The following DNAH12 variants were observed in gnomAD, a reference collection of about 807,000 sequenced individuals.
The protein encoded by DNAH12 is dynein axonemal heavy chain 12, also known as axonemal beta dynein heavy chain 12.
Under a neutral mutation model 371.5 loss-of-function variants are expected in DNAH12, and 285 were observed. The ratio of observed to expected loss-of-function variants is 0.77; its 90% CI spans 0.70 to 0.85. DNAH12 has a LOEUF of 0.85. DNAH12 is among the 40% of genes least tolerant of loss of function. The pLI, the probability that DNAH12 is intolerant of heterozygous loss-of-function variation, is 0.00. For synonymous variants in DNAH12, 1,200 were observed against 1,213.0 expected, an observed-to-expected ratio of 0.99 and a Z score of 0.22; for missense variants, 3,611 against 3,689.4, an observed-to-expected ratio of 0.98 and a Z score of 0.55.
Position 57,421,754 on chromosome 3 carries a change from AT to A in DNAH12, c.5374-49del, listed in dbSNP as rs1398024850. The A allele has an allele frequency of 1.9e-6, 3 of 1,546,222 alleles. No homozygotes were observed. The Admixed American group carries it at 5.9e-5, about 30-fold the overall frequency. The stretch of plus-strand genomic sequence containing the variant: ...ACTTATAGCAATTATTTTAAAAGGC[AT>A]TTTAGGAGAAACATTAACCAAAATT... On this transcript the variant is annotated intron_variant, in intron 35 of 73. Coordinates refer to ENST00000495027, the MANE Select transcript of DNAH12 (RefSeq NM_001366028.2).
chr3:57,420,308 C>G (rs965968768), intron 36 of DNAH12, among the ~76,000 whole-genome samples: 1 of 152,142 alleles, frequency 6.6e-6, no homozygotes, highest in Non-Finnish European at 1.5e-5. Flanking sequence ...CCCTAAGACC[C>G]GATTCCAGAG....
At position 57,301,798 on chromosome 3, in the gene DNAH12, G is replaced by A. The variant is rs2107654428; in HGVS notation, c.11331C>T (p.Tyr3777=). ...KVPEIWAKRS[Y]PSLKPLGSYI... is the part of the protein sequence containing the mutation. ...AACTTCCCAGGGGCTTAAGGCTTGG[G>A]TATGAACGTTTGGCCCATATTTCTG... The change falls in exon 70 of 74, where the codon TAC becomes TAT. Residue 3777 remains tyrosine (Y), a synonymous_variant. Transcript: ENST00000495027. The A allele has an allele frequency of 6.4e-7, 1 of 1,551,572 alleles. No homozygotes were observed. Among genetic ancestry groups the A allele is most frequent in the Middle Eastern group, 1.7e-4 (1 of 5,992 alleles).
At chr3:57,448,165 C>T (rs970745483) in intron 25 of DNAH12, among the ~76,000 whole-genome samples, 5 of 152,082 alleles carry the variant, frequency 3.3e-5, no homozygotes, top group Admixed American at 1.3e-4. Context: ...AGAATGAAGC[C>T]GCGGACCCTC....
chr3:57,498,024 A>T (rs1381346308), intron 11 of DNAH12: 1 of 152,988 alleles, frequency 6.5e-6, no homozygotes, highest in Non-Finnish European at 1.5e-5. Flanking sequence ...AACAAAAGAC[A>T]CTTTATTTTT....
intron 59 of DNAH12, among the ~76,000 whole-genome samples, chr3:57,355,501 CTT>C (rs1250525683): frequency 3.4e-5 from 5 of 145,950 alleles, no homozygotes; most frequent in Admixed American, 2.8e-4. Flanking sequence ...TTTTTTTTAA[CTT>C]TAAGTTTTTG....
chr3:57,502,222 C>T (rs2067576056), intron 10 of DNAH12, 101 bp downstream of exon 10: 2 of 1,486,768 alleles, frequency 1.3e-6, no homozygotes, highest in East Asian at 4.6e-5. Flanking sequence ...TCTGGCTCTC[C>T]CTGTTCTTTC....
chr3:57,405,426 T>TA (rs1452179691), intron 41 of DNAH12, among the ~76,000 whole-genome samples: 2 of 152,344 alleles, frequency 1.3e-5, no homozygotes, highest in East Asian at 3.9e-4. Flanking sequence ...AAGCACTTTA[T>TA]ATCTATTATA....
rs996684311 is a variant in DNAH12 at position 57,477,848 on chromosome 3, C to A, written c.1651-5177G>T. On this transcript the variant is annotated intron_variant, in intron 13 of 73. Transcript: ENST00000495027. ...TGGACCTCCAGCAAACTCCAACAGACCTGCAGCTGAGGGTCCTGACTGTTA... is the reference window on the plus strand; with the variant it reads ...TGGACCTCCAGCAAACTCCAACAGAACTGCAGCTGAGGGTCCTGACTGTTA... Among the ~76,000 whole-genome samples the A allele has an allele frequency of 6.6e-5, 10 of 152,264 alleles. No individual in the cohort carries two copies. In the South Asian group the frequency reaches 1.7e-3, roughly 25 times the overall value.
chr3:57,356,792 T>A (rs1338179226), intron 59 of DNAH12, among the ~76,000 whole-genome samples: 1 of 152,080 alleles, frequency 6.6e-6, no homozygotes, highest in Non-Finnish European at 1.5e-5. Flanking sequence ...CAGGCTGGAG[T>A]GCGGGGGTGC....
rs370263515 is a variant in DNAH12 at position 57,326,594 on chromosome 3, G to A, written c.9979-2975C>T. ...TGGAAAGGAACAACCAGTACCAGCC[G>A]CTGCAAAATCATGCCAAAATGTAAA... On this transcript the variant is annotated intron_variant, in intron 62 of 73. Transcript: ENST00000495027. 2.2e-4 allele frequency among the ~76,000 whole-genome samples: 33 copies of A among 152,230 alleles called. No homozygotes were observed. The East Asian group carries it at 2.9e-3, about 13-fold the overall frequency.
At chr3:57,491,869 T>C (rs1208046385) in intron 11 of DNAH12, among the ~76,000 whole-genome samples, 1 of 152,022 alleles carries the variant, frequency 6.6e-6, no homozygotes, top group African/African-American at 2.4e-5. Context: ...AGCCAGGTGT[T>C]GTGGCGTGTG....
chr3:57,379,957 A>G (rs1253807314), intron 51 of DNAH12, among the ~76,000 whole-genome samples: 1 of 151,886 alleles, frequency 6.6e-6, no homozygotes, highest in Non-Finnish European at 1.5e-5. Context: ...AATATGCTAT[A>G]CTTTTTAAAT....
At chr3:57,418,047 G>C (rs1000717111) in intron 37 of DNAH12, among the ~76,000 whole-genome samples, 1 of 152,012 alleles carries the variant, frequency 6.6e-6, no homozygotes, top group Admixed American at 6.5e-5. Context: ...AGCTACTCAG[G>C]AGGCTGAGGT....
At chr3:57,504,582 A>G (rs934428073) in intron 8 of DNAH12, among the ~76,000 whole-genome samples, 1 of 151,876 alleles carries the variant, frequency 6.6e-6, no homozygotes, top group Admixed American at 6.6e-5. Context: ...GCTAATCAGC[A>G]TGATATGTTC....
intron 35 of DNAH12, among the ~76,000 whole-genome samples, chr3:57,424,165 T>C (rs1231004826): frequency 6.6e-6 from 1 of 152,146 alleles, no homozygotes; most frequent in East Asian, 1.9e-4. Flanking sequence ...GATCAAATTA[T>C]AATCTTTCAT....
At chr3:57,424,790 C>CAAA (rs66686551) in intron 35 of DNAH12, among the ~76,000 whole-genome samples, 2 of 125,070 alleles carry the variant, frequency 1.6e-5, no homozygotes, top group Admixed American at 8.1e-5. Context: ...GCCCTGTCTC[C>CAAA]AAAAAAAAAA....
intron 58 of DNAH12, among the ~76,000 whole-genome samples, chr3:57,362,720 T>A (rs1338973628): frequency 6.6e-6 from 1 of 152,146 alleles, no homozygotes; most frequent in Non-Finnish European, 1.5e-5. Flanking sequence ...GGTTATTTCA[T>A]TTTTTTCTTG....
chr3:57,320,443 A>G (rs574944962), intron 65 of DNAH12, among the ~76,000 whole-genome samples: 1 of 152,338 alleles, frequency 6.6e-6, no homozygotes, highest in African/African-American at 2.4e-5. Flanking sequence ...ATTGCTAGGT[A>G]ATTCAAACGC....
Position 57,322,445 on chromosome 3 carries a change from A to G in DNAH12, c.10422T>C (p.Thr3474=). 1 of 1,552,288 alleles carries G rather than the reference A, an allele frequency of 6.4e-7. No homozygotes were observed. The highest frequency in any genetic ancestry group is 1.2e-5 in the South Asian group (1 of 84,060). The part of the protein sequence containing the change: ...VTILQNGVKM[T]NEPPTGLRLN... ...GCCGAAGACCCGTGGGAGGTTCATTAGTCATTTTTACTCCATTCTGTAGAA... is the reference window on the plus strand; with the variant it reads ...GCCGAAGACCCGTGGGAGGTTCATTGGTCATTTTTACTCCATTCTGTAGAA... Residue 3474 remains threonine (T), a synonymous_variant, in exon 65 of 74, where the codon ACT becomes ACC. Transcript: ENST00000495027.
Sources: gnomAD v4.1 joint callset for allele counts (sites outside exome capture counted in the v4.1 genomes callset) on GRCh38, gnomAD v4.1.1 for gene constraint, MANE v1.5 for transcripts, NCBI Gene and HGNC (gene_info 2026-07-23, HGNC 2026-07-21) for gene names.